ZMAT4: variants seen among roughly 807,000 people sequenced by gnomAD.
ZMAT4 encodes zinc finger matrin-type protein 4.
Under a neutral mutation model 28.7 loss-of-function variants are expected in ZMAT4, and 17 were observed. The ratio of observed to expected loss-of-function variants is 0.59; its 90% confidence interval spans 0.41 to 0.89. The LOEUF (loss-of-function observed/expected upper bound fraction) is 0.89, where lower values mean the gene tolerates loss of function less well. ZMAT4 is among the 40% of genes least tolerant of loss of function. ZMAT4 has a pLI of 0.00. For missense variants in ZMAT4, 240 were observed against 283.8 expected (o/e 0.85, Z 1.11); for synonymous variants, 117 against 109.2 (o/e 1.07, Z -0.44).
At chr8:40,571,435 C>G (rs1485949415) in intron 6 of ZMAT4, among the ~76,000 whole-genome samples, 3 of 152,106 alleles carry the variant, frequency 2.0e-5, no homozygotes, top group Non-Finnish European at 4.4e-5. Context: ...GAAGTTAGAG[C>G]CTGTTTCTTC....
intron 2 of ZMAT4, among the ~76,000 whole-genome samples, chr8:40,818,629 C>T (rs1379527600): frequency 6.6e-6 from 1 of 152,204 alleles, no homozygotes; most frequent in Non-Finnish European, 1.5e-5. Context: ...AAGACTTTTC[C>T]TAGTCTTTAC....
chr8:40,828,315 T>C (rs959029373), intron 1 of ZMAT4, among the ~76,000 whole-genome samples: 3 of 152,370 alleles, frequency 2.0e-5, no homozygotes, highest in African/African-American at 4.8e-5. Flanking sequence ...AATATTATCA[T>C]GTTCCCTGCT....
chr8:40,632,128 C>A (rs1274975293), intron 5 of ZMAT4, among the ~76,000 whole-genome samples: 1 of 152,126 alleles, frequency 6.6e-6, no homozygotes, highest in African/African-American at 2.4e-5. Flanking sequence ...AGTGGTTGAA[C>A]AGACTGGGCT....
At chr8:40,563,067 A>C (rs780250162) in intron 6 of ZMAT4, among the ~76,000 whole-genome samples, 15 of 152,188 alleles carry the variant, frequency 9.9e-5, no homozygotes, top group Middle Eastern at 3.4e-3. Context: ...CTGAATCTGA[A>C]TCTTCAGCCC....
At chr8:40,682,914 T>G (rs28683507) in intron 4 of ZMAT4, among the ~76,000 whole-genome samples, 4,061 of 152,286 alleles carry the variant, frequency 0.027, 170 homozygotes, top group African/African-American at 0.092. Context: ...AGCCATTAAA[T>G]AGAACTTTAG....
Position 40,882,576 on chromosome 8 carries a change from C to A in ZMAT4, c.-5+15107G>T, listed in dbSNP as rs561856786. ...ACCCCAGCCCCCTGGCCTGGCACAC[C>A]GGGAGAGAGAACCCCTACATGCCTG... On this transcript the variant is annotated intron_variant, in intron 1 of 6. Transcript: ENST00000297737. Among the ~76,000 whole-genome samples, 5 of 152,160 alleles carry A rather than the reference C, an allele frequency of 3.3e-5. No homozygotes were observed. In the East Asian group the frequency reaches 9.7e-4, roughly 29 times the overall value.
chr8:40,887,188 A>AAAAAT (rs1343567284), intron 1 of ZMAT4, among the ~76,000 whole-genome samples: 4 of 148,044 alleles, frequency 2.7e-5, no homozygotes, highest in Non-Finnish European at 6.0e-5. Context: ...AAAAAAAAAA[A>AAAAAT]AGCCGGTTTT....
At chr8:40,599,640 G>GTT (rs1170233173) in intron 5 of ZMAT4, among the ~76,000 whole-genome samples, 1 of 152,244 alleles carries the variant, frequency 6.6e-6, no homozygotes, top group Non-Finnish European at 1.5e-5. Context: ...GACAGCTAAA[G>GTT]TTTAACAAGA....
At chr8:40,769,284 T>A (rs1198775114) in intron 2 of ZMAT4, among the ~76,000 whole-genome samples, 1 of 152,216 alleles carries the variant, frequency 6.6e-6, no homozygotes. Context: ...TGTTTATTTT[T>A]GTCTAGAAGA....
chr8:40,641,034 C>G (rs1467480497), intron 5 of ZMAT4, among the ~76,000 whole-genome samples: 1 of 151,280 alleles, frequency 6.6e-6, no homozygotes, highest in African/African-American at 2.4e-5. Flanking sequence ...GAACAGGGTT[C>G]ACAGGACTTG....
chr8:40,820,967 GTGTGTA>G (rs1219647891), intron 2 of ZMAT4, among the ~76,000 whole-genome samples: 3 of 150,496 alleles, frequency 2.0e-5, no homozygotes, highest in Non-Finnish European at 4.4e-5. Flanking sequence ...CTGTGTGTAT[GTGTGTA>G]TGTGTATGTG....
intron 5 of ZMAT4, among the ~76,000 whole-genome samples, chr8:40,661,638 C>G (rs1445021003): frequency 7.2e-5 from 11 of 152,140 alleles, no homozygotes. Context: ...AATAGTTTCC[C>G]ATTTGTTCTA....
chr8:40,550,045 GTGACTGTGGTAGCCC>G (rs1168503336), intron 6 of ZMAT4, among the ~76,000 whole-genome samples: 1 of 152,082 alleles, frequency 6.6e-6, no homozygotes, highest in Non-Finnish European at 1.5e-5. Flanking sequence ...TCAACTCAGG[GTGACTGTGGTAGCCC>G]TGAGAGTGTG....
At chr8:40,673,860 G>A (rs1808789706) in intron 5 of ZMAT4, among the ~76,000 whole-genome samples, 1 of 152,126 alleles carries the variant, frequency 6.6e-6, no homozygotes, top group African/African-American at 2.4e-5. Flanking sequence ...TAGCTGTCAA[G>A]AAAACCCTGT....
intron 1 of ZMAT4, among the ~76,000 whole-genome samples, chr8:40,833,670 C>A (rs528537681): frequency 6.6e-6 from 1 of 152,208 alleles, no homozygotes; most frequent in Admixed American, 6.5e-5. Context: ...GGACCACCGG[C>A]TCCAGCACAC....
At chr8:40,792,716 T>TGAGGAGAGGGGAGGGGAGGGGAGGGGGG (rs1814415460) in intron 2 of ZMAT4, among the ~76,000 whole-genome samples, 1 of 2,278 alleles carries the variant, frequency 4.4e-4, no homozygotes, top group Non-Finnish European at 7.9e-4. Context: ...GGGGAGGAGG[T>TGAGGAGAGGGGAGGGGAGGGGAGGGGGG]GGGGAGGGGA....
chr8:40,680,002 A>G (rs1327575369), intron 4 of ZMAT4, among the ~76,000 whole-genome samples: 2 of 152,238 alleles, frequency 1.3e-5, no homozygotes, highest in Non-Finnish European at 2.9e-5. Flanking sequence ...TGTGCCAGTC[A>G]ATATAAATAT....
chr8:40,865,340 C>G (rs1329805941), intron 1 of ZMAT4, among the ~76,000 whole-genome samples: 1 of 152,198 alleles, frequency 6.6e-6, no homozygotes, highest in Non-Finnish European at 1.5e-5. Flanking sequence ...ATGTCACCTT[C>G]CAGAAAAAAG....
chr8:40,763,053 CT>C (rs1291912061), intron 3 of ZMAT4, among the ~76,000 whole-genome samples: 7 of 152,318 alleles, frequency 4.6e-5, no homozygotes, highest in Non-Finnish European at 8.8e-5. Context: ...TTCAGTGTCA[CT>C]TTCCCCAGGA....
Sources: allele counts gnomAD v4.1 joint callset (sites outside exome capture counted in the v4.1 genomes callset), GRCh38; gene constraint gnomAD v4.1.1; transcripts MANE v1.5; gene names NCBI Gene and HGNC (gene_info 2026-07-23, HGNC 2026-07-21).